The following CSNK1E variants were observed in gnomAD, a reference collection of about 807,000 sequenced individuals.
CSNK1E encodes casein kinase I isoform epsilon.
A neutral mutation model predicts 46.1 loss-of-function variants in CSNK1E; 17 were observed. The ratio of observed to expected loss-of-function variants is 0.37; its 90% CI spans 0.25 to 0.55. CSNK1E has a LOEUF of 0.55. CSNK1E is among the 20% of genes least tolerant of loss of function. The pLI, the probability that CSNK1E is intolerant of heterozygous loss-of-function variation, is 0.82. For missense variants in CSNK1E, 386 were observed against 595.4 expected (o/e 0.65, Z 3.66); for synonymous variants, 241 against 242.6 (o/e 0.99, Z 0.06).
Position 38,290,873 on chromosome 22 carries a change from A to C in CSNK1E, c.*1098T>G, listed in dbSNP as rs1375970149. 18 of 152,324 alleles carry C rather than the reference A, an allele frequency of 1.2e-4. No homozygotes were observed. Among genetic ancestry groups the C allele is most frequent in the African/African-American group, 4.1e-4 (17 of 41,504 alleles). 9.4% of individuals were successfully genotyped at this position (152,324 alleles called of 1,614,324 possible). On this transcript the variant is annotated 3_prime_UTR_variant, in exon 11 of 11. Coordinates refer to ENST00000396832, the MANE Select transcript of CSNK1E (RefSeq NM_152221.3). Reference sequence around the variant, plus strand: ...GCTCTTTAATTAAAAAAAAAAAGGAAAAAGGGGAAACAGAGGTAAATAAAT... The same window carrying C: ...GCTCTTTAATTAAAAAAAAAAAGGACAAAGGGGAAACAGAGGTAAATAAAT...
rs113188643 is a variant in CSNK1E, at chr22:38,290,858, TAAAAA to T, written c.*1108_*1112del. The T allele has an allele frequency of 7.9e-6, 1 of 126,836 alleles. No individual in the cohort carries two copies. The highest frequency in any genetic ancestry group is 2.4e-4 in the South Asian group (1 of 4,084). The allele number at this position is 126,836 out of a possible 1,614,324, so 7.9% of individuals were successfully genotyped here. A position where few individuals can be genotyped will look rare whatever the true frequency, so the allele number is the denominator to read the frequency against. On this transcript the variant is annotated 3_prime_UTR_variant, in exon 11 of 11. Transcript: ENST00000396832. ...GTAATAAAAAGCTTTGCTCTTTAAT[TAAAAA>T]AAAAAAGGAAAAAGGGGAAACAGAG...
At chr22:38,315,170 T>C (rs2092738705) in intron 1 of CSNK1E, among the ~76,000 whole-genome samples, 1 of 152,230 alleles carries the variant, frequency 6.6e-6, no homozygotes, top group South Asian at 2.1e-4. Context: ...GGGCTCCGGC[T>C]GTCCCACCTG....
chr22:38,304,118 G>A (rs893795006), intron 2 of CSNK1E, among the ~76,000 whole-genome samples: 1 of 152,170 alleles, frequency 6.6e-6, no homozygotes, highest in Non-Finnish European at 1.5e-5. Flanking sequence ...CTGGGGCTAG[G>A]CTGGGCGACA....
intron 9 of CSNK1E, 101 bp from the exon 10 acceptor site, chr22:38,293,420 C>T (rs763801683): frequency 4.0e-6 from 3 of 755,632 alleles, no homozygotes; most frequent in Non-Finnish European, 6.7e-6. Flanking sequence ...TGGCAAGTCT[C>T]TCCCCACTGA....
chr22:38,313,185 G>A (rs944910631), intron 2 of CSNK1E, among the ~76,000 whole-genome samples: 2 of 152,202 alleles, frequency 1.3e-5, no homozygotes, highest in Non-Finnish European at 2.9e-5. Context: ...CAGACTTGGT[G>A]TTCTCTGCAC....
intron 2 of CSNK1E, among the ~76,000 whole-genome samples, chr22:38,307,172 A>T (rs2092702090): frequency 6.6e-6 from 1 of 152,346 alleles, no homozygotes; most frequent in South Asian, 2.1e-4. Context: ...CCATGTCTCA[A>T]AAATAAATAG....
In CSNK1E at chr22:38,298,242, A is replaced by C; in HGVS notation, c.885+544T>G. On this transcript the variant is annotated intron_variant, in intron 7 of 10. Coordinates refer to ENST00000396832, the MANE Select transcript of CSNK1E (RefSeq NM_152221.3). The surrounding 1 kb of genome is among the most constrained non-coding windows in gnomAD (Gnocchi z 4.2). ...GATGTGAAACAAGACATACAATTTC[A>C]CAGATTCCAGAGCTCTGGGTACGGC... 9.3e-6 allele frequency: 12 copies of C among 1,294,702 alleles called. No homozygotes were observed. Among genetic ancestry groups the C allele is most frequent in the Non-Finnish European group, 1.2e-5 (12 of 982,920 alleles). The allele number at this position is 1,294,702 out of a possible 1,614,324, so 80.2% of individuals were successfully genotyped here. A position where few individuals can be genotyped will look rare whatever the true frequency, so the allele number is the denominator to read the frequency against.
At chr22:38,297,858 G>A (rs945891759) in intron 7 of CSNK1E, 14 of 1,017,164 alleles carry the variant, frequency 1.4e-5, no homozygotes, top group East Asian at 1.1e-4. Flanking sequence ...GCCTGGCCCC[G>A]ATGGGCTCAG....
At chr22:38,310,147 CTG>C (rs2092714677) in intron 2 of CSNK1E, among the ~76,000 whole-genome samples, 1 of 152,174 alleles carries the variant, frequency 6.6e-6, no homozygotes, top group South Asian at 2.1e-4. Context: ...CTGGCAGAGG[CTG>C]TGTCTGGGAG....
rs2092626803 is a variant in CSNK1E at position 38,294,155 on chromosome 22, G to C, written c.1172C>G (p.Ser391Ter). The C allele has an allele frequency of 6.2e-7, 1 of 1,612,096 alleles. No homozygotes were observed. The highest frequency in any genetic ancestry group is 8.5e-7 in the Non-Finnish European group (1 of 1,179,694). Reference protein sequence around the residue: ...HRGAPANVSSSDLTGRQEVSR... With the variant: ...HRGAPANVSS ...GACCTCTTGCCGCCCAGTGAGGTCT[G>C]AGGAGGAGACGTTGGCGGGCGCACC... is the stretch of plus-strand genomic sequence containing the variant. Residue 391 changes from serine (S) to a stop codon, truncating the protein, a stop_gained, in exon 9 of 11, where the codon TCA becomes TGA. Transcript: ENST00000396832. LOFTEE classifies it high-confidence loss of function. This position sits in a 1 kb window ranked among gnomAD's most constrained non-coding sequence, Gnocchi z 5.5.
At chr22:38,313,606 A>ACCCCC (rs2092730377) in intron 2 of CSNK1E, among the ~76,000 whole-genome samples, 1 of 151,656 alleles carries the variant, frequency 6.6e-6, no homozygotes, top group African/African-American at 2.4e-5. Context: ...CCCCCACCCC[A>ACCCCC]CCCCCGAGGT....
At chr22:38,304,781 A>G (rs1201048774) in intron 2 of CSNK1E, among the ~76,000 whole-genome samples, 1 of 152,210 alleles carries the variant, frequency 6.6e-6, no homozygotes, top group Non-Finnish European at 1.5e-5. Context: ...TCAGCAATAA[A>G]GAGGAATAAA....
rs1029308739 is a variant in CSNK1E at position 38,309,895 on chromosome 22, C to T, written c.76+4187G>A. On this transcript the variant is annotated intron_variant, in intron 2 of 10. Transcript: ENST00000396832. This position sits in a 1 kb window ranked among gnomAD's most constrained non-coding sequence, Gnocchi z 4.8. ...CGCAAGTGCTGGAAACCTGCCAGAG[C>T]TGCCTCCCCCTGCAGCAGGTCCTGC... Among the ~76,000 whole-genome samples, 1 of 152,240 alleles carries T rather than the reference C, an allele frequency of 6.6e-6. No individual in the cohort carries two copies. The highest frequency in any genetic ancestry group is 2.4e-5 in the African/African-American group (1 of 41,458).
chr22:38,302,211 G>A lies in CSNK1E; in HGVS notation c.336+650C>T, dbSNP rs191294647. Among the ~76,000 whole-genome samples, 448 of 150,340 alleles carry A rather than the reference G, an allele frequency of 3.0e-3. 5 individuals carry two copies. Among genetic ancestry groups the A allele is most frequent in the African/African-American group, 0.011 (430 of 40,610 alleles). On this transcript the variant is annotated intron_variant, in intron 4 of 10. Transcript: ENST00000396832. Reference sequence around the variant, plus strand: ...CGACCGCAGGCTTTACATTACCCAGGGCAGGCCAGACGTGGTGGATCATGC... The same window carrying A: ...CGACCGCAGGCTTTACATTACCCAGAGCAGGCCAGACGTGGTGGATCATGC...
At chr22:38,302,826 G>A (rs750193478) in intron 4 of CSNK1E, 35 bp downstream of exon 4, 3 of 1,611,216 alleles carry the variant, frequency 1.9e-6, no homozygotes, top group East Asian at 2.2e-5. Flanking sequence ...GGGCCCACAG[G>A]CATCTGGCTG....
rs771858338 is a variant in CSNK1E at position 38,294,523 on chromosome 22, C to G, written c.897G>C (p.Arg299=). ...DWNMLKFGAA[R]NPEDVDRERR... is the part of the protein sequence containing the mutation. ...GCTCCCGGTCCACATCCTCGGGATT[C>G]CGGGCTGCACCCTGCAGGGATGCAA... Residue 299 remains arginine (R), a synonymous_variant, in exon 8 of 11, where the codon CGG becomes CGC. Transcript: ENST00000396832. The surrounding 1 kb of genome is among the most constrained non-coding windows in gnomAD (Gnocchi z 5.5). 3.1e-6 allele frequency: 5 copies of G among 1,590,296 alleles called. No homozygotes were observed. In the East Asian group the frequency reaches 1.2e-4, roughly 37 times the overall value.
rs1213724949 is a variant in CSNK1E, at chr22:38,290,755, A to G, written c.*1216T>C. 6.6e-6 allele frequency: 1 copy of G among 152,330 alleles called. No individual in the cohort carries two copies. The highest frequency in any genetic ancestry group is 1.5e-5 in the Non-Finnish European group (1 of 67,982). The allele number at this position is 152,330 out of a possible 1,614,324, so 9.4% of individuals were successfully genotyped here. A position where few individuals can be genotyped will look rare whatever the true frequency, so the allele number is the denominator to read the frequency against. On this transcript the variant is annotated 3_prime_UTR_variant, in exon 11 of 11. Coordinates refer to ENST00000396832, the MANE Select transcript of CSNK1E (RefSeq NM_152221.3). ...CCACGATAAAGCTCAAAAAAGTCCA[A>G]TATTTACACAGGAAAAAAGTACAAA...
Position 38,297,647 on chromosome 22 carries a change from C to G in CSNK1E, c.885+1139G>C, listed in dbSNP as rs1033974735. On this transcript the variant is annotated intron_variant, in intron 7 of 10. Transcript: ENST00000396832. ...AATGAGTTCTGGTTCAACACAGAGG[C>G]CGCCAACGGGGTCTAGCTATGAGTC... 48 of 992,412 alleles carry G rather than the reference C, an allele frequency of 4.8e-5. No homozygotes were observed. The Admixed American group carries it at 1.8e-3, about 37-fold the overall frequency. The allele number at this position is 992,412 out of a possible 1,614,324, so 61.5% of individuals were successfully genotyped here.
intron 1 of CSNK1E, chr22:38,316,743 A>G (rs1438426417): frequency 6.6e-6 from 1 of 152,014 alleles, no homozygotes; most frequent in Non-Finnish European, 1.5e-5. Context: ...CGGGGCCGGG[A>G]GAGCAGGGGG....
Sources: gnomAD v4.1 joint callset for allele counts (sites outside exome capture counted in the v4.1 genomes callset) on GRCh38, gnomAD v4.1.1 for gene constraint, Gnocchi (gnomAD v3.1) non-coding constraint, MANE v1.5 for transcripts, NCBI Gene and HGNC (gene_info 2026-07-23, HGNC 2026-07-21) for gene names.